NTRK1: variants seen among roughly 807,000 people sequenced by gnomAD.
NTRK1 encodes high affinity nerve growth factor receptor.
In NTRK1, 62 loss-of-function variants were observed where a neutral mutation model predicts 86.8. That is an observed-to-expected ratio of 0.71 (90% confidence interval 0.58 to 0.88). NTRK1 has a LOEUF of 0.88. Among genes scored for constraint, NTRK1 ranks in the 40% least tolerant of loss-of-function variants. The pLI, the probability that NTRK1 is intolerant of heterozygous loss-of-function variation, is 0.00. For missense variants in NTRK1, 967 were observed against 1,078.4 expected (o/e 0.90, Z 1.45); for synonymous variants, 469 against 456.6 (o/e 1.03, Z -0.35).
rs112863279 is a variant in NTRK1 at position 156,844,148 on chromosome 1, G to A, written c.50+1955G>A. 2.6e-5 allele frequency: 40 copies of A among 1,526,588 alleles called. 1 individual carries two copies. The African/African-American group carries it at 3.0e-4, about 11-fold the overall frequency. 94.6% of individuals were successfully genotyped at this position (1,526,588 alleles called of 1,614,324 possible). ...GATGAGGGCTCAGGGAGAAAAGGGG[G>A]TGGGGACCGGTGGGACTTATCATCA... On this transcript the variant is annotated intron_variant, in intron 2 of 16. Coordinates refer to the NTRK1 transcript ENST00000392302.
At chr1:156,845,096 A>G in intron 2 of NTRK1, 4 of 1,609,788 alleles carry the variant, frequency 2.5e-6, no homozygotes, top group Non-Finnish European at 1.7e-6. Flanking sequence ...GGTGCGCGCA[A>G]AGACGAAGGT....
At chr1:156,843,148 A>C in intron 2 of NTRK1, 1 of 1,614,082 alleles carries the variant, frequency 6.2e-7, no homozygotes, top group Non-Finnish European at 8.5e-7. Context: ...CCAGCCCCTC[A>C]TATACCATCC....
Position 156,854,050 on chromosome 1 carries a change from A to G in NTRK1, c.51-10304A>G. ...GTGGCATCTCAAAGATGACCAGTGC[A>G]TAGCCCAGGAAGAGGCGCGTCCCGC... On this transcript the variant is annotated intron_variant, in intron 2 of 16. Coordinates refer to the NTRK1 transcript ENST00000392302. This position sits in a 1 kb window ranked among gnomAD's most constrained non-coding sequence, Gnocchi z 4.2. 1 of 1,614,128 alleles carries G rather than the reference A, an allele frequency of 6.2e-7. No individual in the cohort carries two copies. Among genetic ancestry groups the G allele is most frequent in the Non-Finnish European group, 8.5e-7 (1 of 1,180,048 alleles).
Position 156,873,625 on chromosome 1 carries a change from G to A in NTRK1, c.851-8G>A, listed in dbSNP as rs1647697749. 1 of 1,609,526 alleles carries A rather than the reference G, an allele frequency of 6.2e-7. No individual in the cohort carries two copies. Among genetic ancestry groups the A allele is most frequent in the Non-Finnish European group, 8.5e-7 (1 of 1,179,230 alleles). On this transcript the variant is annotated splice_polypyrimidine_tract_variant and splice_region_variant and intron_variant, in intron 7 of 16. Transcript: ENST00000524377. Reference sequence around the variant, plus strand: ...TGACCTCCTGCTGTTGCTCTTTCTGGCCCACAGTCCCGGCCAGTGTGCAGC... The same window carrying A: ...TGACCTCCTGCTGTTGCTCTTTCTGACCCACAGTCCCGGCCAGTGTGCAGC...
At chr1:156,819,008 T>C (rs1165734321) in intron 1 of NTRK1, among the ~76,000 whole-genome samples, 1 of 152,178 alleles carries the variant, frequency 6.6e-6, no homozygotes, top group African/African-American at 2.4e-5. Flanking sequence ...TGTGTGTGTG[T>C]GTGTCCGTGT....
chr1:156,840,671 G>A (rs972703053), intron 1 of NTRK1: 5 of 602,244 alleles, frequency 8.3e-6, no homozygotes, highest in East Asian at 2.8e-5. Context: ...GCTCTCCCCC[G>A]AGGGACTCAG....
At position 156,868,242 on chromosome 1, in the gene NTRK1, C is replaced by T; in HGVS notation, c.567C>T (p.Ala189=). 1 of 1,610,086 alleles carries T rather than the reference C, an allele frequency of 6.2e-7. No individual in the cohort carries two copies. Among genetic ancestry groups the T allele is most frequent in the Non-Finnish European group, 8.5e-7 (1 of 1,180,008 alleles). Residue 189 remains alanine (A), a synonymous_variant, in exon 5 of 17, where the codon GCC becomes GCT. Coordinates refer to ENST00000524377, the MANE Select transcript of NTRK1 (RefSeq NM_002529.4). ...GGCCCCTGGCCCACATGCCCAATGCCAGCTGTGGTAGGTGCCGGGTGAGGG... is the reference window on the plus strand; with the variant it reads ...GGCCCCTGGCCCACATGCCCAATGCTAGCTGTGGTAGGTGCCGGGTGAGGG... The part of the protein sequence containing the change: ...GQGPLAHMPN[A]SCGVPTLKVQ...
At chr1:156,864,898 G>T (rs995502270) in intron 3 of NTRK1, 99 bp downstream of exon 3, 3 of 1,225,850 alleles carry the variant, frequency 2.4e-6, no homozygotes, top group African/African-American at 3.0e-5. Flanking sequence ...TGCGAGGAGG[G>T]CCCAAGCCTG....
intron 1 of NTRK1, among the ~76,000 whole-genome samples, chr1:156,839,838 C>A (rs1654708972): frequency 6.6e-6 from 1 of 152,180 alleles, no homozygotes. Context: ...CCGGGCTCAA[C>A]CACTTCTGGT....
rs757985119 is a variant in NTRK1, at chr1:156,881,566, A to G, written c.2315A>G (p.His772Arg). The change falls in exon 17 of 17, where the codon CAC becomes CGC. Residue 772 changes from histidine (H) to arginine (R), a missense_variant. Coordinates refer to ENST00000524377, the MANE Select transcript of NTRK1 (RefSeq NM_002529.4). ...TGGCAGCGGGAGCCCCAGCAACGCCACAGCATCAAGGATGTGCACGCCCGG... is the reference window on the plus strand; with the variant it reads ...TGGCAGCGGGAGCCCCAGCAACGCCGCAGCATCAAGGATGTGCACGCCCGG... ...GCWQREPQQR[H>R]SIKDVHARLQ... The G allele has an allele frequency of 6.2e-6, 10 of 1,611,514 alleles. No homozygotes were observed. In the East Asian group the frequency reaches 1.1e-4, roughly 18 times the overall value.
intron 2 of NTRK1, chr1:156,845,534 C>T: frequency 7.8e-7 from 1 of 1,290,162 alleles, no homozygotes. Flanking sequence ...CAAGGCCCCA[C>T]CCACAAACCC....
intron 1 of NTRK1, among the ~76,000 whole-genome samples, chr1:156,821,463 G>A (rs1425719376): frequency 2.0e-5 from 3 of 150,652 alleles, no homozygotes; most frequent in Non-Finnish European, 4.4e-5. Flanking sequence ...CTGTGTGTGT[G>A]TGTGTGTGTG....
In NTRK1 at chr1:156,864,421, A is replaced by C. The variant is rs991913175; in HGVS notation, c.280A>C (p.Arg94=). ...TGATCTGAGGGGCCTGGGGGAGCTG[A>C]GAAACCTGTGAGGGAAACGGGGACT... ...LRDLRGLGEL[R]NLTIVKSGLR... The change falls in exon 2 of 17, where the codon AGA becomes CGA. Residue 94 remains arginine, a synonymous_variant. Transcript: ENST00000524377. 17 of 1,613,990 alleles carry C rather than the reference A, an allele frequency of 1.1e-5. No individual in the cohort carries two copies. Among genetic ancestry groups the C allele is most frequent in the Non-Finnish European group, 1.2e-5 (14 of 1,179,938 alleles).
intron 4 of NTRK1, among the ~76,000 whole-genome samples, chr1:156,867,730 A>G (rs1429531108): frequency 3.3e-4 from 50 of 150,236 alleles, no homozygotes; most frequent in Admixed American, 2.9e-3. Flanking sequence ...GTGCAGTGGC[A>G]CAATCTCATC....
intron 1 of NTRK1, chr1:156,840,912 T>C (rs1463784919): frequency 1.2e-6 from 2 of 1,613,802 alleles, no homozygotes; most frequent in East Asian, 2.2e-5. Flanking sequence ...TGCAGTCTCT[T>C]GGAGTGGGTG....
upstream of NTRK1, among the ~76,000 whole-genome samples, chr1:156,860,088 T>C (rs554672911): frequency 1.1e-3 from 163 of 152,348 alleles, no homozygotes; most frequent in African/African-American, 3.9e-3. Flanking sequence ...AGGGAGGCGA[T>C]CGATGTCAGC....
rs1655243002 is a variant in NTRK1 at position 156,852,253 on chromosome 1, A to C, written c.50+10060A>C. 3 of 1,475,188 alleles carry C rather than the reference A, an allele frequency of 2.0e-6. No individual in the cohort carries two copies. In the African/African-American group the frequency reaches 4.2e-5, roughly 21 times the overall value. 91.4% of individuals were successfully genotyped at this position (1,475,188 alleles called of 1,614,324 possible). A position where few individuals can be genotyped will look rare whatever the true frequency, so the allele number is the denominator to read the frequency against. On this transcript the variant is annotated intron_variant, in intron 2 of 16. Coordinates refer to the NTRK1 transcript ENST00000392302. ...CCCCTCAGTCCTGGCTGTCCTTCCA[A>C]TGCTGGCCCCACCCTGTTTCTCTTG... is the stretch of plus-strand genomic sequence containing the variant.
intron 13 of NTRK1, 51 bp downstream of exon 13, chr1:156,876,261 G>A (rs768584386): frequency 2.5e-6 from 4 of 1,612,430 alleles, no homozygotes; most frequent in Non-Finnish European, 3.4e-6. Context: ...ACCCCCAGGA[G>A]CTCCATCACA....
chr1:156,846,721 A>C (rs775071060), intron 2 of NTRK1: 1 of 1,614,096 alleles, frequency 6.2e-7, no homozygotes, highest in South Asian at 1.1e-5. Context: ...TTCCACAAGC[A>C]TCTGGACCCA....
Sources: gnomAD v4.1 joint callset for allele counts (sites outside exome capture counted in the v4.1 genomes callset) on GRCh38, gnomAD v4.1.1 for gene constraint, Gnocchi (gnomAD v3.1) non-coding constraint, MANE v1.5 for transcripts, NCBI Gene and HGNC (gene_info 2026-07-23, HGNC 2026-07-21) for gene names.